Variants in PSD2 observed in about 807,000 individuals in gnomAD.
PSD2 encodes the protein pleckstrin and Sec7 domain containing 2.
PSD2 carries 38 observed loss-of-function variants against 69.8 expected under a neutral mutation model. The observed-to-expected ratio is 0.54, with a 90% CI of 0.42 to 0.71. The LOEUF is 0.71. Among genes scored for constraint, PSD2 ranks in the 30% least tolerant of loss-of-function variants. The probability of loss-of-function intolerance (pLI) is 0.00; values close to 1 mark genes in which losing one functional copy is unlikely to be tolerated. For missense variants in PSD2, 943 were observed against 1,014.5 expected (o/e 0.93, Z 0.96); for synonymous variants, 412 against 423.0 (o/e 0.97, Z 0.32).
the PSD2 span, among the ~76,000 whole-genome samples, chr5:139,776,198 G>T: frequency 6.6e-6 from 1 of 152,238 alleles, no homozygotes; most frequent in Admixed American, 6.5e-5. Context: ...TGAGCCCCTG[G>T]CCTGCTTCTG....
At chr5:139,803,668 A>G (rs933131359) in intron 1 of PSD2, among the ~76,000 whole-genome samples, 1 of 152,236 alleles carries the variant, frequency 6.6e-6, no homozygotes, top group African/African-American at 2.4e-5. Context: ...TCCCAGTCTG[A>G]GGCCCTTGCA....
Position 139,814,166 on chromosome 5 carries a change from G to T in PSD2, c.822-4G>T. On this transcript the variant is annotated splice_polypyrimidine_tract_variant and splice_region_variant and intron_variant, in intron 3 of 14. Transcript: ENST00000274710. The surrounding 1 kb of genome is among the most constrained non-coding windows in gnomAD (Gnocchi z 4.4). Reference sequence around the variant, plus strand: ...CTACTCTTCCACCCACCTTCCATCTGCAGTGACCCCAGCCTGAAGGATGGC... The same window carrying T: ...CTACTCTTCCACCCACCTTCCATCTTCAGTGACCCCAGCCTGAAGGATGGC... The T allele has an allele frequency of 1.2e-6, 2 of 1,612,220 alleles. No individual in the cohort carries two copies. The highest frequency in any genetic ancestry group is 4.5e-5 in the East Asian group (2 of 44,752).
At chr5:139,790,026 G>A in the PSD2 span, among the ~76,000 whole-genome samples, 1 of 152,142 alleles carries the variant, frequency 6.6e-6, no homozygotes, top group Non-Finnish European at 1.5e-5. Context: ...TGTCCCTGGT[G>A]CTTTGGAGGA....
At chr5:139,752,745 C>T in the PSD2 span, among the ~76,000 whole-genome samples, 3 of 152,360 alleles carry the variant, frequency 2.0e-5, no homozygotes, top group Non-Finnish European at 4.4e-5. Context: ...CACACGTAGG[C>T]ACACACAAGC....
chr5:139,814,090 T>TG lies in PSD2; in HGVS notation c.822-76dup, dbSNP rs1452271501. ...GGCCCCTACATGGTTTGCAGTGGCC[T>TG]GGGGAAACCTCCCAGCCTCCTCTGG... is the stretch of plus-strand genomic sequence containing the variant. On this transcript the variant is annotated intron_variant, in intron 3 of 14. Transcript: ENST00000274710. This position sits in a 1 kb window ranked among gnomAD's most constrained non-coding sequence, Gnocchi z 4.4. 8.5e-6 allele frequency: 12 copies of TG among 1,418,054 alleles called. 1 individual carries two copies. In the Middle Eastern group the frequency reaches 9.6e-4, roughly 113 times the overall value. The allele number at this position is 1,418,054 out of a possible 1,614,324, so 87.8% of individuals were successfully genotyped here. A position where few individuals can be genotyped will look rare whatever the true frequency, so the allele number is the denominator to read the frequency against.
chr5:139,760,122 C>T, the PSD2 span, among the ~76,000 whole-genome samples: 1 of 152,256 alleles, frequency 6.6e-6, no homozygotes, highest in African/African-American at 2.4e-5. Flanking sequence ...TGGTCCCACC[C>T]TCCATCTGCC....
chr5:139,812,772 GAC>G (rs1223495531), intron 2 of PSD2, among the ~76,000 whole-genome samples: 75 of 152,332 alleles, frequency 4.9e-4, no homozygotes, highest in Non-Finnish European at 8.2e-4. Context: ...GACCCAGTGT[GAC>G]ACTGGTTGTG....
chr5:139,762,500 C>T, the PSD2 span, among the ~76,000 whole-genome samples: 4 of 152,212 alleles, frequency 2.6e-5, no homozygotes, highest in Non-Finnish European at 5.9e-5. Flanking sequence ...ACCACAATGC[C>T]TATCTAAGTA....
At chr5:139,788,604 C>T in the PSD2 span, among the ~76,000 whole-genome samples, 1 of 152,218 alleles carries the variant, frequency 6.6e-6, no homozygotes, top group Non-Finnish European at 1.5e-5. Flanking sequence ...GCGGGCTGCC[C>T]ACCCCATACC....
intron 1 of PSD2, among the ~76,000 whole-genome samples, chr5:139,796,493 G>A (rs977821021): frequency 6.6e-6 from 1 of 152,210 alleles, no homozygotes; most frequent in African/African-American, 2.4e-5. Context: ...CCTGCTTGGC[G>A]GCCAGGCCTC....
chr5:139,818,927 A>G (rs770074036), intron 5 of PSD2, among the ~76,000 whole-genome samples: 72 of 152,306 alleles, frequency 4.7e-4, no homozygotes, highest in Non-Finnish European at 9.1e-4. Flanking sequence ...TGAATTATCC[A>G]TCTTTTCCAT....
chr5:139,792,833 C>T (rs1176550129), upstream of PSD2, among the ~76,000 whole-genome samples: 2 of 146,952 alleles, frequency 1.4e-5, no homozygotes, highest in South Asian at 4.4e-4. Flanking sequence ...TTCCTTCCTT[C>T]CTTTCTTTCT....
At chr5:139,821,135 G>T (rs1259747615) in intron 5 of PSD2, among the ~76,000 whole-genome samples, 1 of 152,148 alleles carries the variant, frequency 6.6e-6, no homozygotes, top group Non-Finnish European at 1.5e-5. Flanking sequence ...GTTTCACCAT[G>T]TTGGCCAGGC....
the PSD2 span, among the ~76,000 whole-genome samples, chr5:139,781,361 A>G: frequency 4.6e-4 from 69 of 149,462 alleles, no homozygotes; most frequent in African/African-American, 1.6e-3. Flanking sequence ...TCTGAGACGG[A>G]GTCTTGCTCT....
intron 2 of PSD2, among the ~76,000 whole-genome samples, chr5:139,810,025 G>A (rs1037406860): frequency 6.6e-6 from 1 of 151,918 alleles, no homozygotes; most frequent in African/African-American, 2.4e-5. Flanking sequence ...TGAAAGTTGT[G>A]CCATCGTGAG....
intron 5 of PSD2, among the ~76,000 whole-genome samples, chr5:139,820,514 A>G (rs1045790367): frequency 6.6e-6 from 1 of 152,130 alleles, no homozygotes; most frequent in African/African-American, 2.4e-5. Flanking sequence ...AGGGCTGGCC[A>G]AGTCATGGCT....
the PSD2 span, among the ~76,000 whole-genome samples, chr5:139,754,178 T>G: frequency 2.0e-5 from 3 of 152,124 alleles, no homozygotes; most frequent in Non-Finnish European, 4.4e-5. Context: ...CAGATTAGAT[T>G]TAAGAGGGGT....
At chr5:139,835,895 G>T in intron 9 of PSD2, 129 bp downstream of exon 9, 1 of 850,656 alleles carries the variant, frequency 1.2e-6, no homozygotes, top group Admixed American at 1.9e-5. Flanking sequence ...CCTGATACCT[G>T]TGTCTAGCTG....
intron 14 of PSD2, 134 bp downstream of exon 14, chr5:139,840,304 G>C: frequency 1.0e-6 from 1 of 999,940 alleles, no homozygotes; most frequent in South Asian, 1.7e-5. Flanking sequence ...GAGGGAACAG[G>C]GTCCCCTGAC....
Sources: gnomAD v4.1 joint callset for allele counts (sites outside exome capture counted in the v4.1 genomes callset) on GRCh38, gnomAD v4.1.1 for gene constraint, Gnocchi (gnomAD v3.1) non-coding constraint, MANE v1.5 for transcripts, NCBI Gene and HGNC (gene_info 2026-07-23, HGNC 2026-07-21) for gene names.